KCNH4: variants seen among roughly 807,000 people sequenced by gnomAD.
KCNH4 encodes voltage-gated delayed rectifier potassium channel KCNH4.
Under a neutral mutation model 90.7 loss-of-function variants are expected in KCNH4, and 33 were observed. The observed-to-expected ratio is 0.36, with a 90% CI of 0.28 to 0.49. The LOEUF is 0.49. Among genes scored for constraint, KCNH4 ranks in the 20% least tolerant of loss-of-function variants. The probability of loss-of-function intolerance (pLI) is 0.98; values close to 1 mark genes in which losing one functional copy is unlikely to be tolerated. For missense variants in KCNH4, 1,044 were observed against 1,387.1 expected (o/e 0.75, Z 3.93); for synonymous variants, 551 against 581.7 (o/e 0.95, Z 0.76).
At chr17:42,179,047 G>T in intron 1 of KCNH4, 21 bp from the exon 2 acceptor site, 1 of 1,597,942 alleles carries the variant, frequency 6.3e-7, no homozygotes, top group Non-Finnish European at 8.6e-7. Flanking sequence ...AAGAGGTCAA[G>T]GTCAGGTCAA....
intron 4 of KCNH4, among the ~76,000 whole-genome samples, chr17:42,176,581 G>T (rs977585019): frequency 7.1e-6 from 1 of 141,122 alleles, no homozygotes; most frequent in East Asian, 2.1e-4. Context: ...GGAGTGCAAG[G>T]GCATGATCTT....
At chr17:42,159,069 C>G (rs1307844733) in intron 16 of KCNH4, among the ~76,000 whole-genome samples, 4 of 151,892 alleles carry the variant, frequency 2.6e-5, no homozygotes, top group Non-Finnish European at 1.5e-5. Context: ...TCACTGTCGC[C>G]CAGGCTGGAG....
chr17:42,166,577 T>A, intron 9 of KCNH4, 31 bp from the exon 10 acceptor site: 1 of 1,585,008 alleles, frequency 6.3e-7, no homozygotes, highest in Non-Finnish European at 8.6e-7. Context: ...ATTCTGGCCA[T>A]CCCCCTGCAG....
rs886588079 is a variant in KCNH4, at chr17:42,180,449, C to A, written c.76+421G>T. 2.6e-5 allele frequency among the ~76,000 whole-genome samples: 4 copies of A among 152,112 alleles called. No homozygotes were observed. Among genetic ancestry groups the A allele is most frequent in the African/African-American group, 9.7e-5 (4 of 41,404 alleles). ...AATCCAAACTAGGTCCTGCTGAAGT[C>A]TGATCTTTTCTCCTTTTTTTCTGGA... On this transcript the variant is annotated intron_variant, in intron 1 of 16. Transcript: ENST00000264661. The surrounding 1 kb of genome is among the most constrained non-coding windows in gnomAD (Gnocchi z 4.7).
chr17:42,178,518 C>T (rs1292914471), intron 2 of KCNH4, 41 bp from the exon 3 acceptor site: 2 of 1,609,078 alleles, frequency 1.2e-6, no homozygotes, highest in Non-Finnish European at 1.7e-6. Context: ...CATGGGCAGC[C>T]CCATGGCATG....
intron 14 of KCNH4, among the ~76,000 whole-genome samples, chr17:42,162,627 C>G (rs1453967472): frequency 6.6e-6 from 1 of 151,692 alleles, no homozygotes. Context: ...GGGTCTCACT[C>G]TGTTGCCCAG....
At chr17:42,160,774 A>G (rs371343449) in intron 15 of KCNH4, among the ~76,000 whole-genome samples, 49 of 152,344 alleles carry the variant, frequency 3.2e-4, no homozygotes, top group East Asian at 1.7e-3. Context: ...GGTCTCTATC[A>G]GTGCTTTTCA....
At chr17:42,177,143 G>A (rs1274682665) in intron 4 of KCNH4, among the ~76,000 whole-genome samples, 2 of 151,904 alleles carry the variant, frequency 1.3e-5, no homozygotes, top group African/African-American at 2.4e-5. Context: ...TCCACCTCCC[G>A]GGTTCAAGTG....
intron 9 of KCNH4, 139 bp from the exon 10 acceptor site, chr17:42,166,685 C>G (rs2079790609): frequency 9.2e-7 from 1 of 1,089,170 alleles, no homozygotes; most frequent in South Asian, 1.7e-5. Flanking sequence ...TCAGTACAAC[C>G]TCTGTGTCTA....
chr17:42,175,472 T>G, intron 6 of KCNH4, 107 bp downstream of exon 6: 7 of 1,232,338 alleles, frequency 5.7e-6, no homozygotes, highest in East Asian at 2.3e-5. Context: ...TATCTGCAGA[T>G]GGATTGATGG....
chr17:42,177,922 G>A (rs890032595), intron 4 of KCNH4, among the ~76,000 whole-genome samples, 178 bp downstream of exon 4: 2 of 152,186 alleles, frequency 1.3e-5, no homozygotes, highest in African/African-American at 4.8e-5. Context: ...GAAGGATGTT[G>A]GGGGAGGATA....
At chr17:42,168,858 G>A (rs921749404) in intron 9 of KCNH4, among the ~76,000 whole-genome samples, 7 of 151,372 alleles carry the variant, frequency 4.6e-5, no homozygotes, top group South Asian at 2.1e-4. Context: ...TGCAAGCTCC[G>A]CCTCCCGGGT....
intron 7 of KCNH4, among the ~76,000 whole-genome samples, chr17:42,171,485 C>A (rs994402037): frequency 6.6e-6 from 1 of 152,040 alleles, no homozygotes; most frequent in African/African-American, 2.4e-5. Context: ...GGACTTTTCA[C>A]GTGCTGCTCC....
At position 42,169,640 on chromosome 17, in the gene KCNH4, G is replaced by A; in HGVS notation, c.1427C>T (p.Ala476Val). ...GCGCGAGTACATGCGCTGGATGATG[G>A]CTGTCACGTTCCCGAACACCACAGC... The part of the protein sequence containing the change: ...MHAVVFGNVT[A>V]IIQRMYSRRS... Residue 476 changes from alanine to valine, a missense_variant, in exon 9 of 17, where the codon GCC (alanine) becomes GTC (valine). Physicochemically the swap from Ala to Val is moderately conservative, Grantham distance 64. Around this residue, in one of 4 missense-constraint regions of KCNH4, gnomAD observed 318 missense variants for 479.6 expected, o/e 0.66. Coordinates refer to ENST00000264661, the MANE Select transcript of KCNH4 (RefSeq NM_012285.3). The A allele has an allele frequency of 6.2e-7, 1 of 1,613,986 alleles. No individual in the cohort carries two copies. Among genetic ancestry groups the A allele is most frequent in the Non-Finnish European group, 8.5e-7 (1 of 1,179,994 alleles).
In KCNH4 at chr17:42,163,231, T is replaced by TA; in HGVS notation, c.2580dup (p.Thr861TyrfsTer12). On this transcript the variant is annotated frameshift_variant, in exon 14 of 17. Coordinates refer to ENST00000264661, the MANE Select transcript of KCNH4 (RefSeq NM_012285.3). LOFTEE classifies it high-confidence loss of function. This position sits in a 1 kb window ranked among gnomAD's most constrained non-coding sequence, Gnocchi z 5.4. ...GAAGTCCACTGTTGGCCCTTACCTG[T>TA]AGGGGGCGCCTGGGAGCGGGGCCTT... The TA allele has an allele frequency of 6.2e-7, 1 of 1,610,918 alleles. No individual in the cohort carries two copies. The highest frequency in any genetic ancestry group is 8.5e-7 in the Non-Finnish European group (1 of 1,177,158).
At position 42,165,450 on chromosome 17, in the gene KCNH4, C is replaced by T. The variant is rs2079780224; in HGVS notation, c.2084G>A (p.Ser695Asn). 2 of 1,613,958 alleles carry T rather than the reference C, an allele frequency of 1.2e-6. No individual in the cohort carries two copies. Among genetic ancestry groups the T allele is most frequent in the Admixed American group, 1.7e-5 (1 of 59,986 alleles). ...TFNLRQGSDTSGLSRFSRSPR... is the reference protein window; with the variant it reads ...TFNLRQGSDTNGLSRFSRSPR... ...GGCGGTCATCAGGGGTGTACATACA[C>T]TGGTGTCAGAGCCCTGGCGCAGGTT... Residue 695 changes from serine to asparagine, a missense_variant and splice_region_variant, in exon 11 of 17, where the codon AGT becomes AAT. Coordinates refer to ENST00000264661, the MANE Select transcript of KCNH4 (RefSeq NM_012285.3).
intron 6 of KCNH4, among the ~76,000 whole-genome samples, chr17:42,175,122 C>T (rs1273218888): frequency 1.3e-5 from 2 of 152,230 alleles, no homozygotes; most frequent in African/African-American, 4.8e-5. Context: ...ATCTTCCACC[C>T]CCATTCACCT....
rs749933459 is a variant in KCNH4 at position 42,178,504 on chromosome 17, G to A, written c.311-27C>T. 7 of 1,613,162 alleles carry A rather than the reference G, an allele frequency of 4.3e-6. No individual in the cohort carries two copies. The African/African-American group carries it at 8.0e-5, about 18-fold the overall frequency. ...TGTAGGCATGGAGAGAGGGAAGGGAGGAGCATGGGCAGCCCCATGGCATGC... is the reference window on the plus strand; with the variant it reads ...TGTAGGCATGGAGAGAGGGAAGGGAAGAGCATGGGCAGCCCCATGGCATGC... On this transcript the variant is annotated intron_variant, in intron 2 of 16. Coordinates refer to ENST00000264661, the MANE Select transcript of KCNH4 (RefSeq NM_012285.3).
intron 16 of KCNH4, among the ~76,000 whole-genome samples, chr17:42,159,200 T>C (rs910867122): frequency 1.3e-5 from 2 of 152,196 alleles, no homozygotes; most frequent in African/African-American, 4.8e-5. Context: ...GCTAATTTTG[T>C]ATTTTTAGTA....
Sources: allele counts gnomAD v4.1 joint callset (sites outside exome capture counted in the v4.1 genomes callset), GRCh38; gene constraint gnomAD v4.1.1; regional missense constraint gnomAD v4.1.1; non-coding constraint Gnocchi (gnomAD v3.1); transcripts MANE v1.5; gene names NCBI Gene and HGNC (gene_info 2026-07-23, HGNC 2026-07-21).